Variants in GRM8 observed in about 807,000 individuals in gnomAD.
The protein encoded by GRM8 is glutamate metabotropic receptor 8.
GRM8 carries 47 observed loss-of-function variants against 87.2 expected under a neutral mutation model. The observed-to-expected ratio is 0.54, with a 90% confidence interval of 0.43 to 0.69. The LOEUF (loss-of-function observed/expected upper bound fraction) is 0.69, where lower values mean the gene tolerates loss of function less well. Among genes scored for constraint, GRM8 ranks in the 30% least tolerant of loss-of-function variants. The pLI is 0.00. For missense variants in GRM8, 1,019 were observed against 1,139.2 expected (o/e 0.89, Z 1.52); for synonymous variants, 396 against 404.5 (o/e 0.98, Z 0.25).
At position 127,144,806 on chromosome 7, in the gene GRM8, T is replaced by C. The variant is rs1828462511; in HGVS notation, c.511-38094A>G. ...GGGTGGACATTTTACAGCTGATTAA[T>C]TTCTGTCCTTCTTTCTCATATGCAA... On this transcript the variant is annotated intron_variant, in intron 2 of 10. Coordinates refer to ENST00000339582, the MANE Select transcript of GRM8 (RefSeq NM_000845.3). Among the ~76,000 whole-genome samples, 6 of 152,116 alleles carry C rather than the reference T, an allele frequency of 3.9e-5. No individual in the cohort carries two copies. In the South Asian group the frequency reaches 1.2e-3, roughly 31 times the overall value.
chr7:126,660,395 A>T (rs1805024856), intron 7 of GRM8, among the ~76,000 whole-genome samples: 1 of 152,232 alleles, frequency 6.6e-6, no homozygotes, highest in Non-Finnish European at 1.5e-5. Flanking sequence ...AATAAATGCT[A>T]GGGATTATTT....
intron 9 of GRM8, among the ~76,000 whole-genome samples, chr7:126,526,930 A>G (rs1447559350): frequency 6.6e-6 from 1 of 152,170 alleles, no homozygotes; most frequent in Non-Finnish European, 1.5e-5. Context: ...TCCCCCTTCC[A>G]GAGCAGATTG....
intron 6 of GRM8, among the ~76,000 whole-genome samples, chr7:126,790,589 T>C (rs968322817): frequency 6.6e-6 from 1 of 152,204 alleles, no homozygotes; most frequent in African/African-American, 2.4e-5. Context: ...AAGTTTACTT[T>C]TTTTCATTAA....
chr7:126,790,838 C>A (rs1821206091), intron 6 of GRM8, among the ~76,000 whole-genome samples: 1 of 152,118 alleles, frequency 6.6e-6, no homozygotes, highest in African/African-American at 2.4e-5. Context: ...TGCCTGGTGA[C>A]TGGGTCGGTG....
At chr7:127,106,741 C>A (rs549357839) in intron 2 of GRM8, 29 bp from the exon 3 acceptor site, 36 of 1,451,228 alleles carry the variant, frequency 2.5e-5, no homozygotes, top group Middle Eastern at 3.5e-4. Flanking sequence ...GTCATTTCAA[C>A]CCATGACGAA....
At chr7:127,091,636 C>T (rs569396701) in intron 3 of GRM8, among the ~76,000 whole-genome samples, 6 of 126,380 alleles carry the variant, frequency 4.7e-5, no homozygotes, top group East Asian at 5.3e-4. Context: ...CATCATCCCC[C>T]GTCCCACTTA....
chr7:126,770,957 T>C (rs1212529357), intron 6 of GRM8, among the ~76,000 whole-genome samples: 3 of 151,870 alleles, frequency 2.0e-5, no homozygotes, highest in Admixed American at 6.6e-5. Flanking sequence ...AAAAATTTGG[T>C]AGATGGCAAG....
intron 6 of GRM8, among the ~76,000 whole-genome samples, chr7:126,804,719 G>GA (rs1792481307): frequency 6.6e-6 from 1 of 152,234 alleles, no homozygotes; most frequent in Admixed American, 6.5e-5. Context: ...CTTTACGGCT[G>GA]ATTACAGCAA....
intron 2 of GRM8, among the ~76,000 whole-genome samples, chr7:127,206,686 C>A (rs1397246419): frequency 6.6e-6 from 1 of 152,132 alleles, no homozygotes; most frequent in African/African-American, 2.4e-5. Flanking sequence ...GCAATCTTCT[C>A]ATCTGTAATT....
chr7:127,169,388 A>G (rs1402431206), intron 2 of GRM8, among the ~76,000 whole-genome samples: 2 of 152,208 alleles, frequency 1.3e-5, no homozygotes, highest in East Asian at 3.8e-4. Context: ...GAGAAAGGTG[A>G]GGAGCCAGCA....
At chr7:126,668,245 G>C (rs1260949874) in intron 7 of GRM8, among the ~76,000 whole-genome samples, 4 of 152,050 alleles carry the variant, frequency 2.6e-5, no homozygotes. Context: ...CATTCAAACT[G>C]TTTGTGAGCC....
At chr7:127,219,090 T>C (rs897623390) in intron 2 of GRM8, among the ~76,000 whole-genome samples, 4 of 152,240 alleles carry the variant, frequency 2.6e-5, no homozygotes, top group Non-Finnish European at 5.9e-5. Context: ...TGATAACAAA[T>C]GCTTTCCGAT....
chr7:126,628,838 C>T (rs1389668552), intron 7 of GRM8, among the ~76,000 whole-genome samples: 2 of 151,370 alleles, frequency 1.3e-5, no homozygotes, highest in African/African-American at 2.4e-5. Flanking sequence ...AAATGAAAGT[C>T]ACTTTGCATG....
At chr7:126,925,150 A>G (rs188805823) in intron 3 of GRM8, among the ~76,000 whole-genome samples, 3 of 152,296 alleles carry the variant, frequency 2.0e-5, no homozygotes, top group African/African-American at 4.8e-5. Flanking sequence ...CACTTGATTC[A>G]TCATTTTCAG....
intron 8 of GRM8, among the ~76,000 whole-genome samples, chr7:126,545,122 C>T (rs150739103): frequency 6.8e-4 from 103 of 152,310 alleles, no homozygotes; most frequent in African/African-American, 2.4e-3. Context: ...AGTGCCTTCT[C>T]CCCTTAACTC....
intron 6 of GRM8, among the ~76,000 whole-genome samples, chr7:126,779,801 C>T (rs529906649): frequency 2.0e-5 from 3 of 152,170 alleles, no homozygotes; most frequent in Non-Finnish European, 4.4e-5. Flanking sequence ...TTCTACACAT[C>T]CTAGCAAGCC....
chr7:127,237,404 C>G (rs1798039524), intron 2 of GRM8, among the ~76,000 whole-genome samples: 1 of 152,146 alleles, frequency 6.6e-6, no homozygotes, highest in Non-Finnish European at 1.5e-5. Context: ...AGTTTTGAAG[C>G]TAATAAAACC....
chr7:127,176,822 A>C (rs1688674192), intron 2 of GRM8, among the ~76,000 whole-genome samples: 1 of 152,190 alleles, frequency 6.6e-6, no homozygotes, highest in Non-Finnish European at 1.5e-5. Context: ...AGTGAAATAC[A>C]GGGGAGAGGA....
At chr7:126,781,564 A>G (rs2151640392) in intron 6 of GRM8, among the ~76,000 whole-genome samples, 1 of 152,334 alleles carries the variant, frequency 6.6e-6, no homozygotes, top group South Asian at 2.1e-4. Context: ...AGAAAAGTAA[A>G]ACATTTCCCC....
Sources: gnomAD v4.1 joint callset for allele counts (sites outside exome capture counted in the v4.1 genomes callset) on GRCh38, gnomAD v4.1.1 for gene constraint, MANE v1.5 for transcripts, NCBI Gene and HGNC (gene_info 2026-07-23, HGNC 2026-07-21) for gene names.